RGPD2: variants seen among roughly 807,000 people sequenced by gnomAD.
RGPD2 encodes the protein RANBP2 like and GRIP domain containing 2.
A neutral mutation model predicts 36.0 loss-of-function variants in RGPD2; 2 were observed. The observed-to-expected ratio is 0.06, with a 90% CI of 0.02 to 0.17. The LOEUF (loss-of-function observed/expected upper bound fraction) is 0.17. Among genes scored for constraint, RGPD2 ranks in the 10% least tolerant of loss-of-function variants. RGPD2 has a pLI of 1.00. For synonymous variants in RGPD2, 19 were observed against 163.8 expected, an observed-to-expected ratio of 0.12 and a Z score of 6.75; for missense variants, 40 against 464.3, an observed-to-expected ratio of 0.09 and a Z score of 8.40.
the RGPD2 span, among the ~76,000 whole-genome samples, chr2:87,915,321 TTA>T: frequency 3.8e-5 from 4 of 105,254 alleles, no homozygotes; most frequent in East Asian, 5.8e-4. Flanking sequence ...TATATGTATA[TTA>T]TATATATTGT....
At chr2:87,880,949 C>T in the RGPD2 span, among the ~76,000 whole-genome samples, 2 of 138,068 alleles carry the variant, frequency 1.4e-5, no homozygotes, top group Non-Finnish European at 3.1e-5. Flanking sequence ...TAAACATTTC[C>T]ATTGGAAATT....
the RGPD2 span, among the ~76,000 whole-genome samples, chr2:87,890,549 T>C: frequency 6.6e-6 from 1 of 152,016 alleles, no homozygotes; most frequent in African/African-American, 2.4e-5. Flanking sequence ...AATGAATTTA[T>C]GTTAAGTGAA....
At chr2:87,932,181 C>T in the RGPD2 span, among the ~76,000 whole-genome samples, 1 of 102,770 alleles carries the variant, frequency 9.7e-6, no homozygotes, top group South Asian at 3.1e-4. Context: ...GAATTGAAAC[C>T]TTTACCATTG....
At chr2:87,775,402 TTA>T (rs1685223151) in intron 20 of RGPD2, among the ~76,000 whole-genome samples, 1 of 128,282 alleles carries the variant, frequency 7.8e-6, no homozygotes, top group Non-Finnish European at 1.7e-5. Context: ...TTCCAAGATT[TTA>T]TGTCATTTCA....
intron 1 of RGPD2, among the ~76,000 whole-genome samples, chr2:87,824,696 A>T (rs1686537861): frequency 8.4e-6 from 1 of 118,956 alleles, no homozygotes; most frequent in Non-Finnish European, 1.7e-5. Flanking sequence ...AGTGTAAGAG[A>T]GGTGAGGCCG....
At chr2:87,839,584 T>C in the RGPD2 span, among the ~76,000 whole-genome samples, 12 of 152,074 alleles carry the variant, frequency 7.9e-5, no homozygotes, top group Admixed American at 2.6e-4. Flanking sequence ...TGGGATACTA[T>C]GCAGCCATAA....
At chr2:87,939,771 T>C in the RGPD2 span, among the ~76,000 whole-genome samples, 4 of 152,050 alleles carry the variant, frequency 2.6e-5, no homozygotes, top group East Asian at 7.7e-4. Context: ...CTCAGGATGG[T>C]CTTTCACAAA....
At chr2:87,915,502 TAC>T in the RGPD2 span, among the ~76,000 whole-genome samples, 1 of 141,458 alleles carries the variant, frequency 7.1e-6, no homozygotes, top group South Asian at 2.2e-4. Flanking sequence ...TACGTATATA[TAC>T]ATATATACAA....
intron 6 of RGPD2, among the ~76,000 whole-genome samples, chr2:87,809,610 G>T (rs1205194546): frequency 1.5e-5 from 2 of 137,112 alleles, no homozygotes; most frequent in African/African-American, 2.6e-5. Flanking sequence ...TTCACAAGGG[G>T]GGGTAACAAA....
chr2:87,897,594 A>G, the RGPD2 span, among the ~76,000 whole-genome samples: 1 of 151,298 alleles, frequency 6.6e-6, no homozygotes. Context: ...AGCCCAGTAT[A>G]CATTAGCTGT....
At chr2:87,893,583 C>T in the RGPD2 span, among the ~76,000 whole-genome samples, 4 of 119,372 alleles carry the variant, frequency 3.4e-5, no homozygotes, top group Non-Finnish European at 6.9e-5. Flanking sequence ...ATTTACTACC[C>T]GATTTTATGA....
the RGPD2 span, among the ~76,000 whole-genome samples, chr2:87,939,768 T>C: frequency 2.6e-5 from 4 of 152,000 alleles, no homozygotes; most frequent in African/African-American, 9.7e-5. Flanking sequence ...GAACTCAGGA[T>C]GGTCTTTCAC....
the RGPD2 span, among the ~76,000 whole-genome samples, chr2:87,864,119 G>C: frequency 6.6e-6 from 1 of 152,058 alleles, no homozygotes; most frequent in Non-Finnish European, 1.5e-5. Context: ...AATCATTATT[G>C]TGGGTGTTTC....
chr2:87,859,722 A>G, the RGPD2 span, among the ~76,000 whole-genome samples: 1 of 151,974 alleles, frequency 6.6e-6, no homozygotes, highest in Non-Finnish European at 1.5e-5. Context: ...TCTAATGGGC[A>G]TCTTTCATTA....
chr2:87,911,001 ATAG>A, the RGPD2 span, among the ~76,000 whole-genome samples: 1 of 150,714 alleles, frequency 6.6e-6, no homozygotes, highest in East Asian at 2.0e-4. Context: ...CAGTATAAAC[ATAG>A]TAGAAGGAAG....
At chr2:87,825,397 C>CG (rs1686675100) in intron 1 of RGPD2, among the ~76,000 whole-genome samples, 1 of 135,460 alleles carries the variant, frequency 7.4e-6, no homozygotes, top group African/African-American at 2.8e-5. Flanking sequence ...CCGCCGCCGC[C>CG]CGGCCAGGCC....
At chr2:87,920,417 C>T in the RGPD2 span, among the ~76,000 whole-genome samples, 1 of 150,858 alleles carries the variant, frequency 6.6e-6, no homozygotes, top group Non-Finnish European at 1.5e-5. Context: ...AAAAAAAAAG[C>T]TTTGAATGTA....
At chr2:87,890,525 A>AT in the RGPD2 span, among the ~76,000 whole-genome samples, 9 of 151,866 alleles carry the variant, frequency 5.9e-5, no homozygotes, top group South Asian at 1.0e-3. Context: ...TGTTCTAGAC[A>AT]TTTTTTTGTG....
chr2:87,913,438 A>C, the RGPD2 span, among the ~76,000 whole-genome samples: 50 of 151,980 alleles, frequency 3.3e-4, no homozygotes, highest in African/African-American at 1.2e-3. Context: ...GATATACCTA[A>C]TGCTAAATGA....
Sources: gnomAD v4.1 joint callset for allele counts (sites outside exome capture counted in the v4.1 genomes callset) on GRCh38, gnomAD v4.1.1 for gene constraint, MANE v1.5 for transcripts, NCBI Gene and HGNC (gene_info 2026-07-23, HGNC 2026-07-21) for gene names.